The following TENM2 variants were observed in gnomAD, a reference collection of about 807,000 sequenced individuals.
The protein encoded by TENM2 is teneurin transmembrane protein 2.
Under a neutral mutation model 245.2 loss-of-function variants are expected in TENM2, and 52 were observed. That is an observed-to-expected ratio of 0.21 (90% CI 0.17 to 0.27). The LOEUF is 0.27. Ranked by LOEUF, TENM2 falls within the 10% of genes least tolerant of loss-of-function variation. The probability of loss-of-function intolerance (pLI) is 1.00; values close to 1 mark genes in which losing one functional copy is unlikely to be tolerated. For missense variants in TENM2, 3,046 were observed against 3,666.8 expected, an observed-to-expected ratio of 0.83 and a Z score of 4.37; for synonymous variants, 1,363 against 1,438.9, an observed-to-expected ratio of 0.95 and a Z score of 1.19.
At chr5:167,141,161 C>T in the TENM2 span, among the ~76,000 whole-genome samples, 3 of 152,154 alleles carry the variant, frequency 2.0e-5, no homozygotes, top group Non-Finnish European at 4.4e-5. Context: ...GGGGACCACA[C>T]ACTGCGATTC....
At chr5:167,521,157 A>G (rs1770727524) in intron 2 of TENM2, among the ~76,000 whole-genome samples, 1 of 151,434 alleles carries the variant, frequency 6.6e-6, no homozygotes, top group Admixed American at 6.6e-5. Context: ...CATAGGTCTC[A>G]GAAATAAATA....
chr5:168,219,824 CAAAAAA>C (rs70976468), intron 23 of TENM2, among the ~76,000 whole-genome samples: 48 of 49,816 alleles, frequency 9.6e-4, no homozygotes, highest in East Asian at 6.8e-3. Context: ...GTTGGCACAG[CAAAAAA>C]AAAAAAAAAA....
chr5:167,124,111 A>G, the TENM2 span, among the ~76,000 whole-genome samples: 1 of 152,216 alleles, frequency 6.6e-6, no homozygotes, highest in Non-Finnish European at 1.5e-5. Flanking sequence ...GTGGGTTTCC[A>G]CTGTGTGATC....
At chr5:167,514,942 C>T (rs1309053174) in intron 2 of TENM2, among the ~76,000 whole-genome samples, 8 of 152,022 alleles carry the variant, frequency 5.3e-5, no homozygotes, top group Non-Finnish European at 1.0e-4. Flanking sequence ...ACCCGAGAGG[C>T]GGAGGTTGCG....
intron 2 of TENM2, among the ~76,000 whole-genome samples, chr5:167,550,699 AGTGTGTGT>A (rs10581183): frequency 0.18 from 20,709 of 114,048 alleles, 2,803 homozygotes; most frequent in Admixed American, 0.24. Flanking sequence ...TGTTGTTGTT[AGTGTGTGT>A]GTGTGTGTGT....
chr5:167,229,992 G>C, the TENM2 span, among the ~76,000 whole-genome samples: 1 of 152,142 alleles, frequency 6.6e-6, no homozygotes, highest in Non-Finnish European at 1.5e-5. Flanking sequence ...AGGGCATATG[G>C]GAATGTGTAG....
At chr5:168,155,306 ATG>A (rs1468262038) in intron 12 of TENM2, among the ~76,000 whole-genome samples, 8 of 152,000 alleles carry the variant, frequency 5.3e-5, no homozygotes, top group African/African-American at 1.9e-4. Context: ...TGTCCAGTGT[ATG>A]TGTGCTCTTT....
intron 2 of TENM2, among the ~76,000 whole-genome samples, chr5:167,487,276 T>C (rs1768132072): frequency 6.6e-6 from 1 of 152,156 alleles, no homozygotes; most frequent in African/African-American, 2.4e-5. Context: ...AAATTATCTG[T>C]GGGAAGAGGA....
At chr5:167,726,906 T>C (rs1165347600) in intron 2 of TENM2, among the ~76,000 whole-genome samples, 1 of 152,164 alleles carries the variant, frequency 6.6e-6, no homozygotes, top group East Asian at 1.9e-4. Flanking sequence ...GTAAAATTGA[T>C]TGCTTTGAAT....
At chr5:167,780,054 A>G (rs1764085427) in intron 2 of TENM2, among the ~76,000 whole-genome samples, 1 of 152,190 alleles carries the variant, frequency 6.6e-6, no homozygotes, top group African/African-American at 2.4e-5. Context: ...GGAATAAACA[A>G]CACTGGTGAC....
At chr5:168,175,355 C>T (rs891139093) in intron 13 of TENM2, among the ~76,000 whole-genome samples, 1 of 152,140 alleles carries the variant, frequency 6.6e-6, no homozygotes, top group Non-Finnish European at 1.5e-5. Flanking sequence ...AAATCAGGAA[C>T]CCATCTTTTG....
chr5:168,225,894 G>A lies in TENM2; in HGVS notation c.5109-194G>A, dbSNP rs115236352. Among the ~76,000 whole-genome samples, 547 of 152,192 alleles carry A rather than the reference G, an allele frequency of 3.6e-3. 3 individuals carry two copies. The highest frequency in any genetic ancestry group is 5.7e-3 in the Non-Finnish European group (391 of 68,004). On this transcript the variant is annotated intron_variant, in intron 23 of 28. Transcript: ENST00000518659. ...AGGAGCTGAAGTCAGTTATATCAGCGGGTAGAAGAAAGCATCACAGCTGTT... is the reference window on the plus strand; with the variant it reads ...AGGAGCTGAAGTCAGTTATATCAGCAGGTAGAAGAAAGCATCACAGCTGTT...
intron 13 of TENM2, among the ~76,000 whole-genome samples, chr5:168,184,207 G>A (rs1760189853): frequency 6.6e-6 from 1 of 152,194 alleles, no homozygotes; most frequent in Admixed American, 6.5e-5. Context: ...CCACTCTATG[G>A]CTTCCTGGCC....
intron 1 of TENM2, among the ~76,000 whole-genome samples, chr5:167,318,748 G>A (rs1756533178): frequency 6.6e-6 from 1 of 152,136 alleles, no homozygotes; most frequent in South Asian, 2.1e-4. Context: ...TAGAAATATA[G>A]GTTCCCTGCC....
the TENM2 span, among the ~76,000 whole-genome samples, chr5:167,263,003 A>G: frequency 6.6e-6 from 1 of 152,192 alleles, no homozygotes; most frequent in South Asian, 2.1e-4. Flanking sequence ...AGGCTCCCTC[A>G]GGCCTCTTTC....
the TENM2 span, among the ~76,000 whole-genome samples, chr5:166,991,296 A>G: frequency 6.6e-6 from 1 of 151,944 alleles, no homozygotes; most frequent in Admixed American, 6.6e-5. Context: ...TTGTTGAAAC[A>G]CTTTGTCATG....
At chr5:167,222,473 C>T in the TENM2 span, among the ~76,000 whole-genome samples, 1 of 152,164 alleles carries the variant, frequency 6.6e-6, no homozygotes, top group Non-Finnish European at 1.5e-5. Context: ...TCAGACTGCA[C>T]TGATGTAAAC....
At chr5:166,984,422 A>G in the TENM2 span, among the ~76,000 whole-genome samples, 1 of 152,068 alleles carries the variant, frequency 6.6e-6, no homozygotes, top group Non-Finnish European at 1.5e-5. Context: ...TTAGAACTTC[A>G]CTGATACTCA....
intron 2 of TENM2, among the ~76,000 whole-genome samples, chr5:167,442,837 A>AGTG (rs1764948752): frequency 6.6e-6 from 1 of 152,138 alleles, no homozygotes; most frequent in Admixed American, 6.6e-5. Flanking sequence ...CTCACTCCTA[A>AGTG]CATCCTTAGT....
Sources: gnomAD v4.1 joint callset for allele counts (sites outside exome capture counted in the v4.1 genomes callset) on GRCh38, gnomAD v4.1.1 for gene constraint, MANE v1.5 for transcripts, NCBI Gene and HGNC (gene_info 2026-07-23, HGNC 2026-07-21) for gene names.